JAKMIP1: variants seen among roughly 807,000 people sequenced by gnomAD.
JAKMIP1 encodes the protein janus kinase and microtubule-interacting protein 1.
In JAKMIP1, 33 loss-of-function variants were observed where a neutral mutation model predicts 113.0. The ratio of observed to expected loss-of-function variants is 0.29; its 90% confidence interval spans 0.22 to 0.39. The LOEUF (loss-of-function observed/expected upper bound fraction) is 0.39. Ranked by LOEUF, JAKMIP1 falls within the 10% of genes least tolerant of loss-of-function variation. The pLI is 1.00. For missense variants in JAKMIP1, 813 were observed against 1,080.5 expected (o/e 0.75, Z 3.47); for synonymous variants, 480 against 459.9 (o/e 1.04, Z -0.56).
intron 1 of JAKMIP1, among the ~76,000 whole-genome samples, chr4:6,175,383 A>T (rs1245920587): frequency 6.6e-6 from 1 of 152,238 alleles, no homozygotes; most frequent in African/African-American, 2.4e-5. Flanking sequence ...ACAAAGCCTG[A>T]AAGAACAGCA....
chr4:6,085,679 G>C lies in JAKMIP1; in HGVS notation c.625-50C>G, dbSNP rs75586222. 7.6e-3 allele frequency: 11,937 copies of C among 1,562,920 alleles called. 230 individuals carry two copies. The highest frequency in any genetic ancestry group is 0.055 in the African/African-American group (4,076 of 73,858). ...TCAGCCCTAGGGGCTCATGACCAAG[G>C]AAATCTCTCCCCAAATTGGGGCCTT... On this transcript the variant is annotated intron_variant, in intron 3 of 20. Coordinates refer to ENST00000409021, the MANE Select transcript of JAKMIP1 (RefSeq NM_001099433.2).
intron 1 of JAKMIP1, among the ~76,000 whole-genome samples, chr4:6,121,037 T>C (rs1178625195): frequency 6.6e-6 from 1 of 151,968 alleles, no homozygotes; most frequent in African/African-American, 2.4e-5. Context: ...CTGTCTCTAC[T>C]AAAAATACAA....
In JAKMIP1 at chr4:6,052,406, G is replaced by A. The variant is rs539774986; in HGVS notation, c.1806+1644C>T. 1.1e-3 allele frequency among the ~76,000 whole-genome samples: 163 copies of A among 152,134 alleles called. 1 individual carries two copies. Among genetic ancestry groups the A allele is most frequent in the Middle Eastern group, 6.8e-3 (2 of 294 alleles). ...TTATACCTGTAATCCCAGCACTTTG[G>A]GAGGCTGAGGCAGGTGGATCCCTTG... On this transcript the variant is annotated intron_variant, in intron 13 of 20. Transcript: ENST00000409021.
In JAKMIP1 at chr4:6,176,553, C is replaced by T. The variant is rs1021918434; in HGVS notation, c.-148+23700G>A. ...AGACGCAGCACTGTACCACATCACC[C>T]GGACACACTCAGAATGGGGCAATGG... is the stretch of plus-strand genomic sequence containing the variant. On this transcript the variant is annotated intron_variant, in intron 1 of 20. Transcript: ENST00000409021. This position sits in a 1 kb window ranked among gnomAD's most constrained non-coding sequence, Gnocchi z 5.5. Among the ~76,000 whole-genome samples, 13 of 152,248 alleles carry T rather than the reference C, an allele frequency of 8.5e-5. No homozygotes were observed. The highest frequency in any genetic ancestry group is 2.0e-4 in the Admixed American group (3 of 15,298).
chr4:6,185,663 A>G lies in JAKMIP1; in HGVS notation c.-148+14590T>C, dbSNP rs1184705122. Among the ~76,000 whole-genome samples, 2 of 152,158 alleles carry G rather than the reference A, an allele frequency of 1.3e-5. No homozygotes were observed. The highest frequency in any genetic ancestry group is 2.9e-5 in the Non-Finnish European group (2 of 68,036). ...ACTCCGTCTCAAAAAAACAAAAGCC[A>G]GACCCCAGCTGCAGAGTCCCTGATC... On this transcript the variant is annotated intron_variant, in intron 1 of 20. Transcript: ENST00000409021. This position sits in a 1 kb window ranked among gnomAD's most constrained non-coding sequence, Gnocchi z 5.3.
rs1321310436 is a variant in JAKMIP1 at position 6,193,425 on chromosome 4, T to C, written c.-148+6828A>G. 2.0e-5 allele frequency among the ~76,000 whole-genome samples: 3 copies of C among 152,170 alleles called. No homozygotes were observed. In the East Asian group the frequency reaches 5.8e-4, roughly 29 times the overall value. On this transcript the variant is annotated intron_variant, in intron 1 of 20. Transcript: ENST00000409021. This position sits in a 1 kb window ranked among gnomAD's most constrained non-coding sequence, Gnocchi z 6.4. ...ATATATCCGATTAGTTCTGTCTCTC[T>C]AGAGAACCCTGACTAATACAGACGT...
intron 1 of JAKMIP1, among the ~76,000 whole-genome samples, chr4:6,125,817 ACC>A (rs2108920373): frequency 8.7e-6 from 1 of 115,092 alleles, no homozygotes; most frequent in African/African-American, 4.2e-5. Flanking sequence ...ACACACACAC[ACC>A]ATACACACCA....
At chr4:6,109,916 A>C (rs986698104) in intron 2 of JAKMIP1, among the ~76,000 whole-genome samples, 45 of 152,204 alleles carry the variant, frequency 3.0e-4, no homozygotes, top group African/African-American at 9.4e-4. Context: ...CCAGATGGGT[A>C]AAGTCAACCT....
chr4:6,117,323 G>T (rs1006454080), intron 1 of JAKMIP1, among the ~76,000 whole-genome samples: 8 of 152,136 alleles, frequency 5.3e-5, no homozygotes, highest in Non-Finnish European at 1.0e-4. Context: ...CTGGGCGTCC[G>T]GGGGAGACAT....
At chr4:6,053,281 G>A (rs779914804) in intron 13 of JAKMIP1, among the ~76,000 whole-genome samples, 4 of 152,178 alleles carry the variant, frequency 2.6e-5, no homozygotes, top group Non-Finnish European at 5.9e-5. Context: ...AATCTCACTC[G>A]GTGCATTGGG....
intron 11 of JAKMIP1, among the ~76,000 whole-genome samples, 191 bp from the exon 12 acceptor site, chr4:6,056,950 G>A (rs999035626): frequency 5.9e-5 from 9 of 152,178 alleles, no homozygotes; most frequent in African/African-American, 1.9e-4. Flanking sequence ...GGTTTGTGGG[G>A]CATCCCTTCT....
chr4:6,029,866 C>T (rs1207259390), intron 19 of JAKMIP1, 85 bp from the exon 20 acceptor site: 2 of 963,204 alleles, frequency 2.1e-6, no homozygotes, highest in African/African-American at 3.3e-5. Context: ...TGGTCTAGCA[C>T]AGAAGCTGTA....
In JAKMIP1 at chr4:6,035,951, T is replaced by G. The variant is rs1713373919; in HGVS notation, c.2332A>C (p.Ser778Arg). The change falls in exon 19 of 21, where the codon AGC becomes CGC. Residue 778 changes from serine to arginine, a missense_variant. By Grantham distance (110) the Ser-to-Arg change is moderately radical. This residue lies in a region of JAKMIP1 where 273 missense variants were observed against 426.6 expected (regional missense o/e 0.64). Coordinates refer to ENST00000409021, the MANE Select transcript of JAKMIP1 (RefSeq NM_001099433.2). ...TCCATGCGCTCCCGCAGGATCTGGC[T>G]GTCGAACTCGCGGCTCTGCCTGAGG... is the stretch of plus-strand genomic sequence containing the variant. Reference protein sequence around the residue: ...QILRQSREFDSQILRERMELL... With the variant: ...QILRQSREFDRQILRERMELL... 6.4e-7 allele frequency: 1 copy of G among 1,551,288 alleles called. No individual in the cohort carries two copies. Among genetic ancestry groups the G allele is most frequent in the African/African-American group, 1.4e-5 (1 of 73,072 alleles).
In JAKMIP1 at chr4:6,097,861, T is replaced by A. The variant is rs1251927993; in HGVS notation, c.624+7612A>T. ...ATCAAAAGCACCCAAGACCAGGATG[T>A]CAGGTTTTTGTCTGGCTTTGAATAT... On this transcript the variant is annotated intron_variant, in intron 3 of 20. Transcript: ENST00000409021. This position sits in a 1 kb window ranked among gnomAD's most constrained non-coding sequence, Gnocchi z 4.3. Among the ~76,000 whole-genome samples the A allele has an allele frequency of 6.6e-6, 1 of 152,200 alleles. No homozygotes were observed.
chr4:6,172,414 G>A (rs941116043), intron 1 of JAKMIP1, among the ~76,000 whole-genome samples: 1 of 152,170 alleles, frequency 6.6e-6, no homozygotes, highest in Admixed American at 6.5e-5. Context: ...AAAGACAAGA[G>A]ACCCAGGCCA....
In JAKMIP1 at chr4:6,085,604, C is replaced by A; in HGVS notation, c.650G>T (p.Arg217Leu). Residue 217 changes from arginine (R) to leucine (L), a missense_variant, in exon 4 of 21, where the codon CGT becomes CTT. Physicochemically the swap from Arg to Leu is moderately radical, Grantham distance 102. Around this residue, in one of 2 missense-constraint regions of JAKMIP1, gnomAD observed 540 missense variants for 653.9 expected, o/e 0.83. Transcript: ENST00000409021. The stretch of plus-strand genomic sequence containing the variant: ...TTCCTTCTCCAAGGCCAGAATCACA[C>A]GGTCTTTCCCTTTGATCTCATCCAT... ...RLMDEIKGKD[R>L]VILALEKELG... is the part of the protein sequence containing the mutation. 6.2e-7 allele frequency: 1 copy of A among 1,614,140 alleles called. No individual in the cohort carries two copies. The highest frequency in any genetic ancestry group is 8.5e-7 in the Non-Finnish European group (1 of 1,180,034).
chr4:6,055,763 T>C (rs901328246), intron 12 of JAKMIP1, among the ~76,000 whole-genome samples: 2 of 148,202 alleles, frequency 1.3e-5, no homozygotes, highest in African/African-American at 5.1e-5. Context: ...CTGCAGGGTA[T>C]CCCCAAAGGA....
In JAKMIP1 at chr4:6,065,473, A is replaced by C. The variant is rs1414662363; in HGVS notation, c.1303-465T>G. 6.6e-6 allele frequency among the ~76,000 whole-genome samples: 1 copy of C among 152,176 alleles called. No homozygotes were observed. Among genetic ancestry groups the C allele is most frequent in the African/African-American group, 2.4e-5 (1 of 41,434 alleles). On this transcript the variant is annotated intron_variant, in intron 8 of 20. Transcript: ENST00000409021. The surrounding 1 kb of genome is among the most constrained non-coding windows in gnomAD (Gnocchi z 5.1). Reference sequence around the variant, plus strand: ...CAGGGAGATGCTCAGTTCTAAGGAGAAGAACTGGATGAATAAGGACAGCAG... The same window carrying C: ...CAGGGAGATGCTCAGTTCTAAGGAGCAGAACTGGATGAATAAGGACAGCAG...
chr4:6,124,598 C>T (rs1000085247), intron 1 of JAKMIP1, among the ~76,000 whole-genome samples: 1 of 152,220 alleles, frequency 6.6e-6, no homozygotes, highest in Non-Finnish European at 1.5e-5. Context: ...GCTCTAGGGC[C>T]ATGGGGAGTG....
Sources: gnomAD v4.1 joint callset for allele counts (sites outside exome capture counted in the v4.1 genomes callset) on GRCh38, gnomAD v4.1.1 for gene constraint, gnomAD v4.1.1 regional missense constraint, Gnocchi (gnomAD v3.1) non-coding constraint, MANE v1.5 for transcripts, NCBI Gene and HGNC (gene_info 2026-07-23, HGNC 2026-07-21) for gene names.